The following NRG1 variants were observed in gnomAD, a reference collection of about 807,000 sequenced individuals.
The protein encoded by NRG1 is pro-neuregulin-1, membrane-bound isoform.
Under a neutral mutation model 63.8 loss-of-function variants are expected in NRG1, and 18 were observed. The observed-to-expected ratio is 0.28, with a 90% CI of 0.19 to 0.42. NRG1 has a LOEUF of 0.42. Ranked by LOEUF, NRG1 falls within the 10% of genes least tolerant of loss-of-function variation. NRG1 has a pLI of 1.00. For missense variants in NRG1, 762 were observed against 814.7 expected (o/e 0.94, Z 0.79); for synonymous variants, 302 against 301.3 (o/e 1.00, Z -0.02).
chr8:32,718,924 G>A (rs1258774187), intron 5 of NRG1, among the ~76,000 whole-genome samples: 1 of 151,964 alleles, frequency 6.6e-6, no homozygotes, highest in East Asian at 1.9e-4. Context: ...GTTACTACTG[G>A]TATCCAACCA....
At chr8:31,740,825 A>G (rs1815194773) in intron 1 of NRG1, among the ~76,000 whole-genome samples, 1 of 151,972 alleles carries the variant, frequency 6.6e-6, no homozygotes, top group Non-Finnish European at 1.5e-5. Flanking sequence ...TCTGGGTGTT[A>G]CTCTGAGATG....
At chr8:32,190,070 A>G (rs1842338778) in intron 1 of NRG1, among the ~76,000 whole-genome samples, 1 of 152,124 alleles carries the variant, frequency 6.6e-6, no homozygotes. Context: ...TTGAATAAAC[A>G]TTTGTCAACA....
Position 32,296,975 on chromosome 8 carries a change from C to T in NRG1, c.38-298853C>T, listed in dbSNP as rs578201589. ...ACTAAAAATACAAAAATTAGCTGGG[C>T]GTGGTGGCCCGCACCTGTAGTCCCA... On this transcript the variant is annotated intron_variant, in intron 1 of 10. Coordinates refer to the NRG1 transcript ENST00000519301. Among the ~76,000 whole-genome samples, 240 of 152,038 alleles carry T rather than the reference C, an allele frequency of 1.6e-3. 1 individual carries two copies. The highest frequency in any genetic ancestry group is 5.1e-3 in the African/African-American group (212 of 41,520).
At chr8:32,485,304 C>A (rs958085004) in intron 1 of NRG1, among the ~76,000 whole-genome samples, 4 of 152,006 alleles carry the variant, frequency 2.6e-5, no homozygotes, top group African/African-American at 9.7e-5. Flanking sequence ...TGGGGTTTCT[C>A]CATGTTGGTC....
chr8:32,652,072 C>A (rs1855253841), intron 5 of NRG1, among the ~76,000 whole-genome samples: 2 of 152,268 alleles, frequency 1.3e-5, no homozygotes, highest in Admixed American at 1.3e-4. Flanking sequence ...GAAAATGTCT[C>A]TGTCTCTGAG....
At chr8:32,410,535 GA>G (rs1466334562) in intron 1 of NRG1, among the ~76,000 whole-genome samples, 2 of 152,106 alleles carry the variant, frequency 1.3e-5, no homozygotes, top group Non-Finnish European at 2.9e-5. Flanking sequence ...AACAATTTAG[GA>G]AAATAAGTAT....
At chr8:31,881,877 A>G (rs917349084) in intron 1 of NRG1, among the ~76,000 whole-genome samples, 2 of 152,192 alleles carry the variant, frequency 1.3e-5, no homozygotes, top group African/African-American at 4.8e-5. Flanking sequence ...AGGTTGGTTC[A>G]TGAGGTTTAA....
At chr8:32,454,710 T>C (rs1003751649) in intron 1 of NRG1, among the ~76,000 whole-genome samples, 6 of 151,720 alleles carry the variant, frequency 4.0e-5, no homozygotes, top group South Asian at 4.2e-4. Context: ...GTTAATTTAG[T>C]ATTGAAGAAA....
intron 1 of NRG1, among the ~76,000 whole-genome samples, chr8:32,233,563 A>ATATTTT (rs34593729): frequency 1.1e-3 from 77 of 67,244 alleles, no homozygotes; most frequent in East Asian, 2.0e-3. Flanking sequence ...ATATATATAT[A>ATATTTT]TTTTTTTTTT....
intron 1 of NRG1, among the ~76,000 whole-genome samples, chr8:31,855,747 G>A (rs1171221826): frequency 7.9e-5 from 12 of 152,200 alleles, no homozygotes; most frequent in African/African-American, 2.9e-4. Context: ...GCAGCGGCTG[G>A]TACCGGTTGT....
chr8:31,669,763 G>A lies in NRG1; in HGVS notation c.37+30332G>A, dbSNP rs117718290. On this transcript the variant is annotated intron_variant, in intron 1 of 10. Coordinates refer to the NRG1 transcript ENST00000519301. ...GTAAAAAATATGACATGCATATCTG[G>A]TGTGCACAGAAAAGATATATCACAG... is the stretch of plus-strand genomic sequence containing the variant. 3.1e-3 allele frequency among the ~76,000 whole-genome samples: 478 copies of A among 152,248 alleles called. 2 individuals are homozygous for A. The highest frequency in any genetic ancestry group is 0.021 in the South Asian group (100 of 4,822).
chr8:31,670,710 T>G (rs1368975455), intron 1 of NRG1, among the ~76,000 whole-genome samples: 1 of 152,190 alleles, frequency 6.6e-6, no homozygotes, highest in Non-Finnish European at 1.5e-5. Context: ...CTGATCCTGA[T>G]AGGTGGTGGT....
intron 1 of NRG1, among the ~76,000 whole-genome samples, chr8:31,875,365 T>C (rs954127140): frequency 2.0e-5 from 3 of 152,246 alleles, no homozygotes; most frequent in African/African-American, 4.8e-5. Context: ...GAGGCAACAA[T>C]AAAGAAAGAA....
At chr8:32,012,789 C>A (rs1814955473) in intron 1 of NRG1, among the ~76,000 whole-genome samples, 1 of 152,078 alleles carries the variant, frequency 6.6e-6, no homozygotes, top group Admixed American at 6.6e-5. Context: ...TCAGCACATG[C>A]TCCAGAAGTG....
At chr8:31,689,342 C>T (rs1809246798) in intron 1 of NRG1, among the ~76,000 whole-genome samples, 1 of 152,130 alleles carries the variant, frequency 6.6e-6, no homozygotes, top group South Asian at 2.1e-4. Flanking sequence ...GTTCATGCTT[C>T]CTGTTCAGAT....
At chr8:32,052,222 G>C (rs1159008756) in intron 1 of NRG1, among the ~76,000 whole-genome samples, 1 of 150,198 alleles carries the variant, frequency 6.7e-6, no homozygotes, top group East Asian at 2.0e-4. Context: ...TAGTTGGTTT[G>C]CTTTGTGCTA....
At chr8:32,178,492 C>A (rs963535880) in intron 1 of NRG1, among the ~76,000 whole-genome samples, 3 of 152,128 alleles carry the variant, frequency 2.0e-5, no homozygotes, top group Admixed American at 6.6e-5. Context: ...AGCCTGTAAT[C>A]CCAGCTGCTC....
intron 5 of NRG1, among the ~76,000 whole-genome samples, chr8:32,693,605 T>G (rs1812467152): frequency 6.7e-6 from 1 of 150,368 alleles, no homozygotes; most frequent in Admixed American, 6.6e-5. Context: ...GGCCCTGGCA[T>G]GTAGAGTGTA....
intron 1 of NRG1, among the ~76,000 whole-genome samples, chr8:31,730,966 CAT>C (rs1381316222): frequency 6.6e-6 from 1 of 151,936 alleles, no homozygotes; most frequent in Admixed American, 6.6e-5. Context: ...GAGTAAAGAA[CAT>C]AGTTTTTTTC....
Sources: gnomAD v4.1 joint callset for allele counts (sites outside exome capture counted in the v4.1 genomes callset) on GRCh38, gnomAD v4.1.1 for gene constraint, MANE v1.5 for transcripts, NCBI Gene and HGNC (gene_info 2026-07-23, HGNC 2026-07-21) for gene names.